NFATC2: variants seen among roughly 807,000 people sequenced by gnomAD.
NFATC2 encodes nuclear factor of activated T-cells, cytoplasmic 2.
In NFATC2, 22 loss-of-function variants were observed where a neutral mutation model predicts 87.3. That is an observed-to-expected ratio of 0.25 (90% CI 0.18 to 0.36). The LOEUF (loss-of-function observed/expected upper bound fraction) is 0.36, where lower values mean the gene tolerates loss of function less well. Ranked by LOEUF, NFATC2 falls within the 10% of genes least tolerant of loss-of-function variation. NFATC2 has a pLI of 1.00. For synonymous variants in NFATC2, 565 were observed against 542.2 expected (o/e 1.04, Z -0.58); for missense variants, 1,149 against 1,259.1 (o/e 0.91, Z 1.32).
At chr20:51,430,041 G>C (rs904377201) in intron 9 of NFATC2, among the ~76,000 whole-genome samples, 1 of 152,110 alleles carries the variant, frequency 6.6e-6, no homozygotes, top group Admixed American at 6.5e-5. Flanking sequence ...GGACATCTGT[G>C]GATCCGGGGC....
chr20:51,498,146 C>T (rs200623343), intron 3 of NFATC2, among the ~76,000 whole-genome samples: 1 of 152,118 alleles, frequency 6.6e-6, no homozygotes. Context: ...CTGAACCGGT[C>T]CTTCTGAATG....
In NFATC2 at chr20:51,562,527, G is replaced by A. The variant is rs757651997; in HGVS notation, c.70+33C>T. ...CAGGAAAGGGCCGGGAGGAGCGAGC[G>A]GAAAAGGCTGGAAGGGATCGAGAGT... On this transcript the variant is annotated intron_variant, in intron 1 of 10. Transcript: ENST00000414705. The surrounding 1 kb of genome is among the most constrained non-coding windows in gnomAD (Gnocchi z 5.8). 1 of 1,528,026 alleles carries A rather than the reference G, an allele frequency of 6.5e-7. No homozygotes were observed. The highest frequency in any genetic ancestry group is 8.9e-7 in the Non-Finnish European group (1 of 1,127,800). The allele number at this position is 1,528,026 out of a possible 1,614,324, so 94.7% of individuals were successfully genotyped here. A position where few individuals can be genotyped will look rare whatever the true frequency, so the allele number is the denominator to read the frequency against.
Position 51,453,627 on chromosome 20 carries a change from T to A in NFATC2, c.1849+921A>T, listed in dbSNP as rs368423692. Among the ~76,000 whole-genome samples, 15 of 152,328 alleles carry A rather than the reference T, an allele frequency of 9.8e-5. No homozygotes were observed. The East Asian group carries it at 1.9e-3, about 20-fold the overall frequency. On this transcript the variant is annotated intron_variant, in intron 6 of 10. Transcript: ENST00000371564. ...TCAGATCAGCATCTTTTCTACCACA[T>A]ACCCACTGAAAAAGACACCGATAGT...
intron 1 of NFATC2, among the ~76,000 whole-genome samples, chr20:51,550,485 G>A (rs1057377953): frequency 6.6e-6 from 1 of 152,030 alleles, no homozygotes; most frequent in Non-Finnish European, 1.5e-5. Flanking sequence ...CAGCTACTCG[G>A]GAGGCTGAGG....
intron 10 of NFATC2, among the ~76,000 whole-genome samples, chr20:51,398,219 A>G (rs111332670): frequency 7.0e-4 from 107 of 152,326 alleles, no homozygotes; most frequent in African/African-American, 2.4e-3. Flanking sequence ...GGGCTTCCTC[A>G]GTGGCTTCTT....
chr20:51,458,537 G>A lies in NFATC2; in HGVS notation c.1709-3849C>T, dbSNP rs142534529. ...CTTCAAGCCAGGTGCGGTGGCTCAC[G>A]CCTGTAATCCTAGCACTTTGGGAGG... On this transcript the variant is annotated intron_variant, in intron 5 of 10. Coordinates refer to ENST00000371564, the MANE Select transcript of NFATC2 (RefSeq NM_012340.5). Among the ~76,000 whole-genome samples the A allele has an allele frequency of 1.1e-4, 17 of 151,584 alleles. No individual in the cohort carries two copies. In the East Asian group the frequency reaches 1.9e-3, roughly 17 times the overall value.
chr20:51,546,371 A>G (rs560403967), upstream of NFATC2, among the ~76,000 whole-genome samples: 4 of 152,128 alleles, frequency 2.6e-5, no homozygotes, highest in Admixed American at 2.6e-4. Flanking sequence ...GGGCTGGGGG[A>G]AAGGCATATT....
chr20:51,397,361 A>G (rs1408816779), intron 10 of NFATC2, among the ~76,000 whole-genome samples: 2 of 151,762 alleles, frequency 1.3e-5, no homozygotes, highest in Middle Eastern at 3.2e-3. Context: ...AGGACCCTCA[A>G]TAGGACTGTA....
At chr20:51,456,566 C>G (rs1374162466) in intron 5 of NFATC2, among the ~76,000 whole-genome samples, 1 of 152,228 alleles carries the variant, frequency 6.6e-6, no homozygotes, top group Non-Finnish European at 1.5e-5. Context: ...AAACAGATCC[C>G]AGCCACAGCC....
At chr20:51,400,557 TGATGGCTCCGTCTGCAGCATTC>T (rs1297004730) in intron 9 of NFATC2, among the ~76,000 whole-genome samples, 2 of 152,238 alleles carry the variant, frequency 1.3e-5, no homozygotes, top group South Asian at 2.1e-4. Flanking sequence ...AAGCATCACA[TGATGGCTCCGTCTGCAGCATTC>T]GGAGGTGCAG....
chr20:51,562,785 CCGGCTCGGCGGAGTCGGCG>C, upstream of NFATC2: 1 of 622,444 alleles, frequency 1.6e-6, no homozygotes, highest in East Asian at 3.0e-5. This position sits in a 1 kb window ranked among gnomAD's most constrained non-coding sequence, Gnocchi z 5.8. Context: ...CTCCCGGCTC[CCGGCTCGGCGGAGTCGGCG>C]CGGCTCCGCG....
chr20:51,434,052 G>GC (rs955910757), intron 8 of NFATC2, among the ~76,000 whole-genome samples: 12 of 152,158 alleles, frequency 7.9e-5, no homozygotes, highest in South Asian at 4.2e-4. Context: ...GCAGTCTAGA[G>GC]CCCCCCCAGC....
At chr20:51,411,741 T>C (rs1280615915) in intron 9 of NFATC2, among the ~76,000 whole-genome samples, 5 of 152,102 alleles carry the variant, frequency 3.3e-5, no homozygotes, top group African/African-American at 1.2e-4. Flanking sequence ...TTGGCCAGCC[T>C]GGTCTTGCAC....
intron 2 of NFATC2, 101 bp from the exon 3 acceptor site, chr20:51,517,056 C>A: frequency 8.6e-7 from 1 of 1,162,848 alleles, no homozygotes; most frequent in Non-Finnish European, 1.2e-6. Context: ...TGGATACAGT[C>A]ATGTATTGCT....
chr20:51,519,460 A>C (rs991652961), intron 2 of NFATC2, among the ~76,000 whole-genome samples: 1 of 66,910 alleles, frequency 1.5e-5, no homozygotes, highest in African/African-American at 3.3e-5. Context: ...TAAAAATACA[A>C]AAAAAAAAAA....
intron 9 of NFATC2, among the ~76,000 whole-genome samples, chr20:51,406,439 G>T (rs987439086): frequency 6.6e-6 from 1 of 152,210 alleles, no homozygotes; most frequent in South Asian, 2.1e-4. Context: ...CAGATACTGA[G>T]ATTTAAGAAG....
At chr20:51,411,719 G>A (rs1161530315) in intron 9 of NFATC2, among the ~76,000 whole-genome samples, 1 of 151,920 alleles carries the variant, frequency 6.6e-6, no homozygotes, top group Non-Finnish European at 1.5e-5. Flanking sequence ...GTAGAGACAA[G>A]GTTTCAACAT....
At chr20:51,400,897 C>T (rs1228301903) in intron 9 of NFATC2, among the ~76,000 whole-genome samples, 2 of 152,170 alleles carry the variant, frequency 1.3e-5, no homozygotes, top group Non-Finnish European at 2.9e-5. Flanking sequence ...GGTACTAGTC[C>T]TGGGCTAGGG....
chr20:51,502,260 AT>A (rs2076100486), intron 3 of NFATC2, among the ~76,000 whole-genome samples: 1 of 152,198 alleles, frequency 6.6e-6, no homozygotes, highest in African/African-American at 2.4e-5. Context: ...CAACACTTTT[AT>A]TGCTGCATTT....
Sources: allele counts gnomAD v4.1 joint callset (sites outside exome capture counted in the v4.1 genomes callset), GRCh38; gene constraint gnomAD v4.1.1; non-coding constraint Gnocchi (gnomAD v3.1); transcripts MANE v1.5; gene names NCBI Gene and HGNC (gene_info 2026-07-23, HGNC 2026-07-21).